Variants in TMPRSS7 observed in about 807,000 individuals in gnomAD.
TMPRSS7 encodes transmembrane protease serine 7.
TMPRSS7 carries 81 observed loss-of-function variants against 95.6 expected under a neutral mutation model. That is an observed-to-expected ratio of 0.85 (90% CI 0.71 to 1.02). TMPRSS7 has a LOEUF of 1.02. Among genes scored for constraint, TMPRSS7 ranks in the 50% least tolerant of loss-of-function variants. TMPRSS7 has a pLI of 0.00. For missense variants in TMPRSS7, 945 were observed against 955.2 expected, an observed-to-expected ratio of 0.99 and a Z score of 0.14; for synonymous variants, 364 against 337.8, an observed-to-expected ratio of 1.08 and a Z score of -0.85.
chr3:112,047,722 TGG>T lies in TMPRSS7; in HGVS notation c.731-16_731-15del, dbSNP rs2073297122. 6.5e-7 allele frequency: 1 copy of T among 1,540,944 alleles called. No homozygotes were observed. Among genetic ancestry groups the T allele is most frequent in the South Asian group, 1.2e-5 (1 of 84,848 alleles). The stretch of plus-strand genomic sequence containing the variant: ...TAAAAAAAAAGAAAATAAAGGAAAA[TGG>T]TGCTGTCTCCACAGACAAAGGCTGC... On this transcript the variant is annotated splice_polypyrimidine_tract_variant and intron_variant, in intron 6 of 17. Coordinates refer to ENST00000452346, the Ensembl canonical transcript of TMPRSS7.
chr3:112,055,049 A>G (rs2073415611), intron 9 of TMPRSS7, among the ~76,000 whole-genome samples: 1 of 151,918 alleles, frequency 6.6e-6, no homozygotes, highest in African/African-American at 2.4e-5. Flanking sequence ...CAGTTTACAT[A>G]TTTTTTATGT....
chr3:112,037,100 C>T (rs1250604884), intron 1 of TMPRSS7, among the ~76,000 whole-genome samples: 1 of 152,020 alleles, frequency 6.6e-6, no homozygotes, highest in Non-Finnish European at 1.5e-5. Context: ...AATCTGGGCA[C>T]CTTGAAAAAA....
At chr3:112,065,232 A>G (rs6769390) in intron 12 of TMPRSS7, among the ~76,000 whole-genome samples, 4,552 of 152,112 alleles carry the variant, frequency 0.03, 192 homozygotes, top group African/African-American at 0.088. Context: ...CATACAGATG[A>G]GGTCTCACTG....
At chr3:112,075,256 C>T in intron 14 of TMPRSS7, 65 bp from the exon 15 acceptor site, 1 of 1,364,180 alleles carries the variant, frequency 7.3e-7, no homozygotes, top group Non-Finnish European at 9.5e-7. Context: ...AGCACTAAAA[C>T]TGGCTTAACT....
At chr3:112,066,576 T>G in intron 13 of TMPRSS7, 74 bp downstream of exon 13, 2 of 1,382,828 alleles carry the variant, frequency 1.4e-6, no homozygotes, top group Non-Finnish European at 2.0e-6. Context: ...ATACCTCTGA[T>G]GGGTTAGGGG....
chr3:112,047,659 T>A, intron 6 of TMPRSS7, 80 bp from the exon 7 acceptor site: 1 of 1,158,814 alleles, frequency 8.6e-7, no homozygotes, highest in Non-Finnish European at 1.2e-6. Flanking sequence ...TGCCCTTTAC[T>A]TTTCTATAAA....
At chr3:112,048,061 C>T (rs2073301808) in intron 7 of TMPRSS7, 94 bp downstream of exon 7, 17 of 1,252,494 alleles carry the variant, frequency 1.4e-5, no homozygotes, top group Non-Finnish European at 1.9e-5. Context: ...TTTTTAAAAA[C>T]AGTTTTTGTG....
chr3:112,049,748 G>A, intron 7 of TMPRSS7, 96 bp from the exon 8 acceptor site: 1 of 1,054,138 alleles, frequency 9.5e-7, no homozygotes, highest in African/African-American at 1.6e-5. Flanking sequence ...TGGATTGAAT[G>A]GATGGCCCAG....
At chr3:112,048,112 T>C in intron 7 of TMPRSS7, 145 bp downstream of exon 7, 2 of 675,312 alleles carry the variant, frequency 3.0e-6, no homozygotes, top group Admixed American at 2.8e-5. Context: ...CCCTATTTAG[T>C]ATCCCCTATA....
At chr3:112,076,562 T>G (rs1191214309) in intron 15 of TMPRSS7, among the ~76,000 whole-genome samples, 2 of 152,234 alleles carry the variant, frequency 1.3e-5, no homozygotes, top group Non-Finnish European at 2.9e-5. Flanking sequence ...TTACCAACAT[T>G]CTTGACCTGT....
chr3:112,046,020 G>T, intron 5 of TMPRSS7, 77 bp downstream of exon 5: 1 of 1,259,414 alleles, frequency 7.9e-7, no homozygotes, highest in Non-Finnish European at 1.1e-6. Flanking sequence ...AGTCAACATT[G>T]TAATGAAGCA....
intron 13 of TMPRSS7, among the ~76,000 whole-genome samples, chr3:112,070,316 G>T (rs556876700): frequency 2.6e-5 from 4 of 152,326 alleles, no homozygotes; most frequent in Middle Eastern, 3.4e-3. Flanking sequence ...TTGATTTGGG[G>T]TAGAGAGTTC....
At chr3:112,052,523 G>A (rs1025908814) in intron 9 of TMPRSS7, among the ~76,000 whole-genome samples, 3 of 152,106 alleles carry the variant, frequency 2.0e-5, no homozygotes, top group Non-Finnish European at 4.4e-5. Context: ...AGAGATAAAG[G>A]TGCTGGACCC....
chr3:112,073,817 A>G (rs191785020), intron 13 of TMPRSS7, among the ~76,000 whole-genome samples: 1 of 152,312 alleles, frequency 6.6e-6, no homozygotes, highest in Admixed American at 6.5e-5. Context: ...AAATACTGGA[A>G]TGGAACACGT....
At chr3:112,080,102 A>G (rs886972438) in intron 17 of TMPRSS7, among the ~76,000 whole-genome samples, 1 of 152,242 alleles carries the variant, frequency 6.6e-6, no homozygotes, top group African/African-American at 2.4e-5. Flanking sequence ...GTATAAGATC[A>G]TAATTTGGAT....
rs2073750806 is a variant in TMPRSS7, at chr3:112,079,352, T to C, written c.2361+474T>C. On this transcript the variant is annotated intron_variant, in intron 17 of 17. Transcript: ENST00000452346. ...GTTGGAAGTCACCTTTGGGGTGACATTTCTCGGAGCCTGAGATTCCAATCT... is the reference window on the plus strand; with the variant it reads ...GTTGGAAGTCACCTTTGGGGTGACACTTCTCGGAGCCTGAGATTCCAATCT... 2.6e-5 allele frequency among the ~76,000 whole-genome samples: 4 copies of C among 152,314 alleles called. 1 individual carries two copies. The highest frequency in any genetic ancestry group is 7.2e-5 in the African/African-American group (3 of 41,552).
exon 2 of TMPRSS7, chr3:112,038,085 C>T (rs750300126): frequency 1.7e-5 from 12 of 702,466 alleles, no homozygotes; most frequent in Admixed American, 4.0e-5. Flanking sequence ...TCCAATATCT[C>T]AGTCCAAGTG....
At chr3:112,060,245 C>G (rs758919445) in intron 10 of TMPRSS7, among the ~76,000 whole-genome samples, 1 of 152,104 alleles carries the variant, frequency 6.6e-6, no homozygotes, top group Non-Finnish European at 1.5e-5. Flanking sequence ...ACCACAGGAC[C>G]GGGGCAAAAT....
chr3:112,050,028 G>A (rs1418597992), intron 8 of TMPRSS7, 54 bp downstream of exon 8: 1 of 1,471,866 alleles, frequency 6.8e-7, no homozygotes, highest in Non-Finnish European at 9.1e-7. Flanking sequence ...TGTAATGATA[G>A]GCTATTCTTA....
Sources: gnomAD v4.1 joint callset for allele counts (sites outside exome capture counted in the v4.1 genomes callset) on GRCh38, gnomAD v4.1.1 for gene constraint, MANE v1.5 for transcripts, NCBI Gene and HGNC (gene_info 2026-07-23, HGNC 2026-07-21) for gene names.